The following DBNL variants were observed in gnomAD, a reference collection of about 807,000 sequenced individuals.
DBNL encodes drebrin like, also known as drebrin-like protein.
Under a neutral mutation model 62.2 loss-of-function variants are expected in DBNL, and 35 were observed. That is an observed-to-expected ratio of 0.56 (90% CI 0.43 to 0.75). DBNL has a LOEUF of 0.75. DBNL is among the 30% of genes least tolerant of loss of function. The pLI is 0.00. For missense variants in DBNL, 495 were observed against 578.4 expected (o/e 0.86, Z 1.48); for synonymous variants, 197 against 218.0 (o/e 0.90, Z 0.85).
chr7:44,064,997 C>T lies in DBNL; in HGVS notation c.*4081C>T, dbSNP rs765274227. The T allele has an allele frequency of 3.1e-6, 5 of 1,606,554 alleles. No individual in the cohort carries two copies. The South Asian group carries it at 5.5e-5, about 18-fold the overall frequency. ...GTGGGGAGTTCCCCGGGCTTCAGGC[C>T]TGCGTACCGACGCTCCTGGGGGACA... On this transcript the variant is annotated 3_prime_UTR_variant, in exon 13 of 13. Transcript: ENST00000448521.
chr7:44,045,044 G>A (rs1278426984), intron 1 of DBNL, among the ~76,000 whole-genome samples: 3 of 152,182 alleles, frequency 2.0e-5, no homozygotes, highest in Admixed American at 2.0e-4. Context: ...CCCGGCTTGG[G>A]GGGACCCAGT....
Position 44,060,456 on chromosome 7 carries a change from G to T in DBNL, c.1153+303G>T, listed in dbSNP as rs2096146564. ...TGAGCAGGGAGGTGGGCCAGGCCTG[G>T]ATGCTGGTTCACCAGGCGTCCCTGG... is the stretch of plus-strand genomic sequence containing the variant. On this transcript the variant is annotated intron_variant, in intron 12 of 12. Coordinates refer to ENST00000448521, the MANE Select transcript of DBNL (RefSeq NM_001014436.3). The surrounding 1 kb of genome is among the most constrained non-coding windows in gnomAD (Gnocchi z 6.3). Among the ~76,000 whole-genome samples, 1 of 152,144 alleles carries T rather than the reference G, an allele frequency of 6.6e-6. No homozygotes were observed. Among genetic ancestry groups the T allele is most frequent in the Non-Finnish European group, 1.5e-5 (1 of 68,006 alleles).
At chr7:44,045,793 A>G (rs73693646) in intron 1 of DBNL, among the ~76,000 whole-genome samples, 3,623 of 152,232 alleles carry the variant, frequency 0.024, 74 homozygotes, top group African/African-American at 0.053. Context: ...GACCCTGAGG[A>G]TGTTATGGCT....
intron 5 of DBNL, 69 bp from the exon 6 acceptor site, chr7:44,057,713 C>T (rs781113658): frequency 3.5e-5 from 55 of 1,581,620 alleles, no homozygotes; most frequent in Non-Finnish European, 4.6e-5. Flanking sequence ...AGCGTATTCT[C>T]TCCTTTGGTG....
intron 2 of DBNL, chr7:44,050,869 C>T (rs921633100): frequency 1.3e-5 from 2 of 152,800 alleles, no homozygotes; most frequent in Non-Finnish European, 2.9e-5. Flanking sequence ...ACCCCTCCCT[C>T]TGTCCTGAGC....
chr7:44,057,788 G>C lies in DBNL; in HGVS notation c.481G>C (p.Val161Leu). The change falls in exon 6 of 13, where the codon GTG (valine) becomes CTG (leucine). Residue 161 changes from valine to leucine, a missense_variant. Val to Leu is a conservative substitution (Grantham distance 32, BLOSUM62 1). Transcript: ENST00000448521. Reference sequence around the variant, plus strand: ...TGAGTGCTGTCCCCTACAGGGCTCTGTGTACCAGAAGACCAATGCCGTGTC... The same window carrying C: ...TGAGTGCTGTCCCCTACAGGGCTCTCTGTACCAGAAGACCAATGCCGTGTC... ...DVGPQAPVGS[V>L]YQKTNAVSEI... is the part of the protein sequence containing the mutation. 2.5e-6 allele frequency: 4 copies of C among 1,614,210 alleles called. No homozygotes were observed. Among genetic ancestry groups the C allele is most frequent in the Non-Finnish European group, 3.4e-6 (4 of 1,180,036 alleles).
rs774794934 is a variant in DBNL at position 44,060,527 on chromosome 7, T to C, written c.1154-250T>C. The stretch of plus-strand genomic sequence containing the variant: ...GGTGGAGGCCCCCTACGGAGCAGGC[T>C]GGTGTCTACTCTAGCCTTTTTTGGG... On this transcript the variant is annotated intron_variant, in intron 12 of 12. Transcript: ENST00000448521. This position sits in a 1 kb window ranked among gnomAD's most constrained non-coding sequence, Gnocchi z 6.3. Among the ~76,000 whole-genome samples the C allele has an allele frequency of 2.0e-5, 3 of 152,096 alleles. No individual in the cohort carries two copies. Among genetic ancestry groups the C allele is most frequent in the Non-Finnish European group, 4.4e-5 (3 of 68,004 alleles).
chr7:44,060,901 G>A lies in DBNL; in HGVS notation c.1278G>A (p.Val426=). 6.2e-7 allele frequency: 1 copy of A among 1,614,014 alleles called. No homozygotes were observed. Among genetic ancestry groups the A allele is most frequent in the African/African-American group, 1.3e-5 (1 of 75,046 alleles). ...GHFGMFPANY[V]ELIE ...TTGGCATGTTCCCTGCCAACTACGT[G>A]GAGCTCATTGAGTGAGGCTGAGGGC... Residue 426 remains valine, a synonymous_variant, in exon 13 of 13, where the codon GTG becomes GTA. Transcript: ENST00000448521. This position sits in a 1 kb window ranked among gnomAD's most constrained non-coding sequence, Gnocchi z 6.3.
At position 44,067,435 on chromosome 7, in the gene DBNL, C is replaced by T; in HGVS notation, c.*6519C>T. The T allele has an allele frequency of 6.6e-6, 1 of 152,342 alleles. No homozygotes were observed. 9.4% of individuals were successfully genotyped at this position (152,342 alleles called of 1,614,324 possible). A position where few individuals can be genotyped will look rare whatever the true frequency, so the allele number is the denominator to read the frequency against. On this transcript the variant is annotated 3_prime_UTR_variant, in exon 13 of 13. Coordinates refer to ENST00000448521, the MANE Select transcript of DBNL (RefSeq NM_001014436.3). ...GCTTAGCCAGGGCTGGGTGCAGAAG[C>T]AGTGGCAAGGATCCCCCAGACCTGG...
intron 5 of DBNL, among the ~76,000 whole-genome samples, chr7:44,057,474 C>T (rs940572402): frequency 6.6e-6 from 1 of 152,174 alleles, no homozygotes; most frequent in Non-Finnish European, 1.5e-5. Flanking sequence ...GTCTAGGAGT[C>T]TGCAGGTGGG....
In DBNL at chr7:44,060,018, TG is replaced by T; in HGVS notation, c.1048-26del. ...AGCGATTGTGTGTAAGGGCTGAGTC[TG>T]GGGTAACACCTTTGTCATCCCTGGG... is the stretch of plus-strand genomic sequence containing the variant. On this transcript the variant is annotated intron_variant, in intron 11 of 12. Transcript: ENST00000448521. The surrounding 1 kb of genome is among the most constrained non-coding windows in gnomAD (Gnocchi z 6.3). 1 of 1,600,382 alleles carries T rather than the reference TG, an allele frequency of 6.2e-7. No individual in the cohort carries two copies. The highest frequency in any genetic ancestry group is 8.6e-7 in the Non-Finnish European group (1 of 1,169,546).
At position 44,065,941 on chromosome 7, in the gene DBNL, G is replaced by A. The variant is rs879151230; in HGVS notation, c.*5025G>A. The stretch of plus-strand genomic sequence containing the variant: ...TCAGCCATTCTCTGCTCAGACAGAG[G>A]CACAAACAAAATCCCAACCCCTTTC... On this transcript the variant is annotated 3_prime_UTR_variant, in exon 13 of 13. Coordinates refer to ENST00000448521, the MANE Select transcript of DBNL (RefSeq NM_001014436.3). The A allele has an allele frequency of 2.2e-5, 7 of 322,670 alleles. 1 individual carries two copies. The Admixed American group carries it at 2.5e-4, about 12-fold the overall frequency. 20.0% of individuals were successfully genotyped at this position (322,670 alleles called of 1,614,324 possible). A position where few individuals can be genotyped will look rare whatever the true frequency, so the allele number is the denominator to read the frequency against.
rs2096162650 is a variant in DBNL, at chr7:44,067,787, C to T, written c.*6871C>T. On this transcript the variant is annotated 3_prime_UTR_variant, in exon 13 of 13. Coordinates refer to ENST00000448521, the MANE Select transcript of DBNL (RefSeq NM_001014436.3). ...CCCATGTCTCTCCCACTGACAGCCACCAATCCTGGACAGATGCAGGAGCAG... is the reference window on the plus strand; with the variant it reads ...CCCATGTCTCTCCCACTGACAGCCATCAATCCTGGACAGATGCAGGAGCAG... 6.6e-6 allele frequency: 1 copy of T among 152,206 alleles called. No homozygotes were observed. The highest frequency in any genetic ancestry group is 2.4e-5 in the African/African-American group (1 of 41,438). 9.4% of individuals were successfully genotyped at this position (152,206 alleles called of 1,614,324 possible).
At chr7:44,044,945 G>A in intron 1 of DBNL, 125 bp downstream of exon 1, 1 of 908,824 alleles carries the variant, frequency 1.1e-6, no homozygotes, top group Non-Finnish European at 1.5e-6. Context: ...CAGGTGGCCT[G>A]GGGCTTACCT....
At position 44,050,021 on chromosome 7, in the gene DBNL, A is replaced by T. The variant is rs76890220; in HGVS notation, c.84-204A>T. On this transcript the variant is annotated intron_variant, in intron 1 of 12. Coordinates refer to ENST00000448521, the MANE Select transcript of DBNL (RefSeq NM_001014436.3). ...TGGTAAGTCAGGCCAGTGTCCTCCC[A>T]GCTGCAGAGCTGAGAAGGCTGCACA... is the stretch of plus-strand genomic sequence containing the variant. 0.018 allele frequency: 9,618 copies of T among 523,990 alleles called. 311 individuals are homozygous for T. Among genetic ancestry groups the T allele is most frequent in the South Asian group, 0.094 (4,614 of 49,146 alleles). 32.5% of individuals were successfully genotyped at this position (523,990 alleles called of 1,614,324 possible).
intron 1 of DBNL, among the ~76,000 whole-genome samples, chr7:44,046,870 T>A (rs1300477852): frequency 6.6e-6 from 1 of 152,224 alleles, no homozygotes; most frequent in Non-Finnish European, 1.5e-5. Context: ...ACCCAGAACC[T>A]ACCACCCCTT....
At chr7:44,057,897 T>C in intron 6 of DBNL, 38 bp downstream of exon 6, 2 of 1,612,460 alleles carry the variant, frequency 1.2e-6, no homozygotes, top group South Asian at 1.1e-5. Flanking sequence ...CACGTGGGAG[T>C]GTTCTGCTTG....
chr7:44,056,869 G>T lies in DBNL; in HGVS notation c.440G>T (p.Gly147Val). The T allele has an allele frequency of 3.7e-6, 6 of 1,614,124 alleles. No individual in the cohort carries two copies. The highest frequency in any genetic ancestry group is 5.1e-6 in the Non-Finnish European group (6 of 1,180,028). ...AACTACAGCTTTCACAAGGAGAGTG[G>T]CCGCTTCCAGGACGTGGGACCCCAG... The part of the protein sequence containing the change: ...GANYSFHKES[G>V]RFQDVGPQAP... The change falls in exon 5 of 13, where the codon GGC becomes GTC. Residue 147 changes from glycine to valine, a missense_variant. Coordinates refer to ENST00000448521, the MANE Select transcript of DBNL (RefSeq NM_001014436.3).
chr7:44,051,717 G>A (rs1280925463), intron 2 of DBNL, 113 bp from the exon 3 acceptor site: 2 of 861,722 alleles, frequency 2.3e-6, no homozygotes, highest in Non-Finnish European at 3.7e-6. Flanking sequence ...TTCTGATACA[G>A]GTAGAGGTGA....
Sources: gnomAD v4.1 joint callset for allele counts (sites outside exome capture counted in the v4.1 genomes callset) on GRCh38, gnomAD v4.1.1 for gene constraint, Gnocchi (gnomAD v3.1) non-coding constraint, MANE v1.5 for transcripts, NCBI Gene and HGNC (gene_info 2026-07-23, HGNC 2026-07-21) for gene names.